PRRG4: variants seen among roughly 807,000 people sequenced by gnomAD.
The protein encoded by PRRG4 is proline rich and Gla domain 4, also known as transmembrane gamma-carboxyglutamic acid protein 4.
PRRG4 carries 12 observed loss-of-function variants against 20.0 expected under a neutral mutation model. The observed-to-expected ratio is 0.60, with a 90% CI of 0.38 to 0.97. PRRG4 has a LOEUF of 0.97. Among genes scored for constraint, PRRG4 ranks in the 50% least tolerant of loss-of-function variants. The probability of loss-of-function intolerance (pLI) is 0.00; values close to 1 mark genes in which losing one functional copy is unlikely to be tolerated. For synonymous variants in PRRG4, 94 were observed against 96.4 expected (o/e 0.98, Z 0.15); for missense variants, 199 against 265.1 (o/e 0.75, Z 1.73).
chr11:32,835,268 A>T (rs1353753078), intron 2 of PRRG4, among the ~76,000 whole-genome samples: 35 of 152,272 alleles, frequency 2.3e-4, no homozygotes, highest in Admixed American at 2.2e-3. Context: ...AAATAAATGT[A>T]CAACTTGAGG....
intron 2 of PRRG4, among the ~76,000 whole-genome samples, chr11:32,833,862 G>C (rs1010911046): frequency 2.0e-5 from 3 of 151,616 alleles, no homozygotes; most frequent in South Asian, 2.1e-4. Context: ...GAGTACTATG[G>C]AGAAAGGCAG....
In PRRG4 at chr11:32,848,485, A is replaced by T. The variant is rs114445728; in HGVS notation, c.450-4811A>T. Reference sequence around the variant, plus strand: ...AAGGGTTATGGAAATAGATAATGGAAATAGTTGCACCTTGTGAGTGGAATT... The same window carrying T: ...AAGGGTTATGGAAATAGATAATGGATATAGTTGCACCTTGTGAGTGGAATT... On this transcript the variant is annotated intron_variant, in intron 5 of 5. Transcript: ENST00000257836. 5.9e-3 allele frequency among the ~76,000 whole-genome samples: 898 copies of T among 152,240 alleles called. 12 individuals carry two copies. Among genetic ancestry groups the T allele is most frequent in the African/African-American group, 0.019 (797 of 41,542 alleles).
At chr11:32,845,354 G>C (rs1017500202) in intron 5 of PRRG4, among the ~76,000 whole-genome samples, 2 of 152,078 alleles carry the variant, frequency 1.3e-5, no homozygotes, top group African/African-American at 4.8e-5. Flanking sequence ...GGCTGGGTGC[G>C]GTGGCTCACG....
chr11:32,836,637 T>G (rs775982685), intron 2 of PRRG4, 21 bp from the exon 3 acceptor site: 27 of 1,413,450 alleles, frequency 1.9e-5, no homozygotes, highest in Non-Finnish European at 2.7e-5. Flanking sequence ...AATGTTTAAG[T>G]CTTTTTCATT....
chr11:32,835,578 C>T (rs1456683061), intron 2 of PRRG4, among the ~76,000 whole-genome samples: 6 of 152,140 alleles, frequency 3.9e-5, no homozygotes, highest in African/African-American at 1.4e-4. Context: ...TGTTCTTAAC[C>T]TGTAGTGTTT....
At chr11:32,829,855 C>A (rs961115177), upstream of PRRG4, 1 of 985,422 alleles carries the variant, frequency 1.0e-6, no homozygotes, top group Non-Finnish European at 1.2e-6. Flanking sequence ...CCCGCCCGCT[C>A]GCCGCAGGTA....
In PRRG4 at chr11:32,840,535, T is replaced by C. The variant is rs983211995; in HGVS notation, c.449+296T>C. ...ACTTTGATTTCAGCAGTTTTCCCAC[T>C]GGTGTTTTCCTTCTGCTGCAGGATC... On this transcript the variant is annotated intron_variant, in intron 5 of 5. Coordinates refer to ENST00000257836, the MANE Select transcript of PRRG4 (RefSeq NM_024081.6). This position sits in a 1 kb window ranked among gnomAD's most constrained non-coding sequence, Gnocchi z 4.1. Among the ~76,000 whole-genome samples the C allele has an allele frequency of 3.9e-5, 6 of 152,226 alleles. No individual in the cohort carries two copies. The highest frequency in any genetic ancestry group is 1.4e-4 in the African/African-American group (6 of 41,460).
rs548119752 is a variant in PRRG4, at chr11:32,857,916, CTT to C, written c.*4395_*4396del. Reference sequence around the variant, plus strand: ...ATTTTGTGTCTCCTCCAACCTCCAACTTTTTTTGTTTTTTGAAAAATGTTTCT... The same window carrying C: ...ATTTTGTGTCTCCTCCAACCTCCAACTTTTTGTTTTTTGAAAAATGTTTCT... On this transcript the variant is annotated 3_prime_UTR_variant, in exon 6 of 6. Coordinates refer to ENST00000257836, the MANE Select transcript of PRRG4 (RefSeq NM_024081.6). 6.6e-6 allele frequency: 1 copy of C among 152,106 alleles called. No individual in the cohort carries two copies. Among genetic ancestry groups the C allele is most frequent in the East Asian group, 1.9e-4 (1 of 5,200 alleles). 9.4% of individuals were successfully genotyped at this position (152,106 alleles called of 1,614,324 possible). A position where few individuals can be genotyped will look rare whatever the true frequency, so the allele number is the denominator to read the frequency against.
intron 2 of PRRG4, among the ~76,000 whole-genome samples, chr11:32,831,354 C>T (rs1850969435): frequency 6.6e-6 from 1 of 152,208 alleles, no homozygotes; most frequent in Non-Finnish European, 1.5e-5. Context: ...TCTGGATCCA[C>T]GTCCCCACAC....
At chr11:32,851,347 C>T (rs1381793458) in intron 5 of PRRG4, among the ~76,000 whole-genome samples, 1 of 152,138 alleles carries the variant, frequency 6.6e-6, no homozygotes, top group East Asian at 1.9e-4. Context: ...ATATCTGTCT[C>T]CTCCTTTATC....
chr11:32,836,604 G>A (rs1172582143), intron 2 of PRRG4, 54 bp from the exon 3 acceptor site: 2 of 1,079,550 alleles, frequency 1.9e-6, no homozygotes, highest in Non-Finnish European at 1.3e-6. Context: ...ATTAAAACAG[G>A]AATTTTTTGA....
Position 32,830,487 on chromosome 11 carries a change from ATTT to A in PRRG4, c.-22-14_-22-12del. Reference sequence around the variant, plus strand: ...GAGCTAGGGGCCTTTTTTTTTTAATATTTTTTTTTGTTTGTTTTAGTTTGTTTG... The same window carrying A: ...GAGCTAGGGGCCTTTTTTTTTTAATATTTTTTGTTTGTTTTAGTTTGTTTG... On this transcript the variant is annotated intron_variant, in intron 1 of 5. Coordinates refer to ENST00000257836, the MANE Select transcript of PRRG4 (RefSeq NM_024081.6). 3 of 1,406,758 alleles carry A rather than the reference ATTT, an allele frequency of 2.1e-6. No homozygotes were observed. Among genetic ancestry groups the A allele is most frequent in the Non-Finnish European group, 2.8e-6 (3 of 1,063,912 alleles). 87.1% of individuals were successfully genotyped at this position (1,406,758 alleles called of 1,614,324 possible).
At chr11:32,848,588 A>T (rs1851151459) in intron 5 of PRRG4, among the ~76,000 whole-genome samples, 1 of 151,298 alleles carries the variant, frequency 6.6e-6, no homozygotes, top group Non-Finnish European at 1.5e-5. Flanking sequence ...AATGTTATAT[A>T]TTGTATATAA....
intron 3 of PRRG4, among the ~76,000 whole-genome samples, chr11:32,837,419 T>C (rs1851030294): frequency 6.6e-6 from 1 of 151,886 alleles, no homozygotes; most frequent in Non-Finnish European, 1.5e-5. Flanking sequence ...AGAATATAAC[T>C]AAATTCTGTT....
chr11:32,852,756 A>G (rs1490476770), intron 5 of PRRG4, among the ~76,000 whole-genome samples: 1 of 149,906 alleles, frequency 6.7e-6, no homozygotes. Flanking sequence ...TTAGGAAATG[A>G]CAGGATCAGA....
At chr11:32,845,392 G>A (rs1238477677) in intron 5 of PRRG4, among the ~76,000 whole-genome samples, 4 of 152,126 alleles carry the variant, frequency 2.6e-5, no homozygotes, top group South Asian at 2.1e-4. Flanking sequence ...TTGGGAGGCC[G>A]AGACGGGCGG....
rs1249089907 is a variant in PRRG4, at chr11:32,840,150, A to G, written c.360A>G (p.Gly120=). ...TAGATGTTATGGGCCTTCTGACTGGATTAATTGCTGCTGGAGTATTTTTGG... is the reference window on the plus strand; with the variant it reads ...TAGATGTTATGGGCCTTCTGACTGGGTTAATTGCTGCTGGAGTATTTTTGG... ...EKIDVMGLLT[G]LIAAGVFLVI... is the part of the protein sequence containing the mutation. The change falls in exon 5 of 6, where the codon GGA becomes GGG. Residue 120 remains glycine (G), a synonymous_variant. Coordinates refer to ENST00000257836, the MANE Select transcript of PRRG4 (RefSeq NM_024081.6). The surrounding 1 kb of genome is among the most constrained non-coding windows in gnomAD (Gnocchi z 4.1). 6.2e-7 allele frequency: 1 copy of G among 1,608,622 alleles called. No individual in the cohort carries two copies. The highest frequency in any genetic ancestry group is 8.5e-7 in the Non-Finnish European group (1 of 1,175,340).
At chr11:32,833,509 CA>C (rs1248677266) in intron 2 of PRRG4, among the ~76,000 whole-genome samples, 1 of 152,130 alleles carries the variant, frequency 6.6e-6, no homozygotes, top group African/African-American at 2.4e-5. Context: ...GAGAAGTATA[CA>C]GAGGCAGATA....
chr11:32,835,634 T>G lies in PRRG4; in HGVS notation c.104-1024T>G, dbSNP rs559419345. On this transcript the variant is annotated intron_variant, in intron 2 of 5. Transcript: ENST00000257836. ...ATGTAAAGGGAACCTTATAAAACAT[T>G]ATAGACACGTATTTGGGGTGTACCG... Among the ~76,000 whole-genome samples, 4 of 152,290 alleles carry G rather than the reference T, an allele frequency of 2.6e-5. No individual in the cohort carries two copies. The South Asian group carries it at 8.3e-4, about 32-fold the overall frequency.
Sources: gnomAD v4.1 joint callset for allele counts (sites outside exome capture counted in the v4.1 genomes callset) on GRCh38, gnomAD v4.1.1 for gene constraint, Gnocchi (gnomAD v3.1) non-coding constraint, MANE v1.5 for transcripts, NCBI Gene and HGNC (gene_info 2026-07-23, HGNC 2026-07-21) for gene names.